The following SDK1 variants were observed in gnomAD, a reference collection of about 807,000 sequenced individuals.
The protein encoded by SDK1 is sidekick cell adhesion molecule 1, also known as protein sidekick-1.
SDK1 carries 157 observed loss-of-function variants against 245.5 expected under a neutral mutation model. The ratio of observed to expected loss-of-function variants is 0.64; its 90% CI spans 0.56 to 0.73. The LOEUF (loss-of-function observed/expected upper bound fraction) is 0.73. Ranked by LOEUF, SDK1 falls within the 30% of genes least tolerant of loss-of-function variation. The pLI, the probability that SDK1 is intolerant of heterozygous loss-of-function variation, is 0.00. For missense variants in SDK1, 3,583 were observed against 3,002.3 expected (o/e 1.19, Z -4.52); for synonymous variants, 1,647 against 1,278.5 (o/e 1.29, Z -6.15).
At chr7:3,951,693 TC>T in intron 6 of SDK1, 36 bp from the exon 7 acceptor site, 1 of 1,594,334 alleles carries the variant, frequency 6.3e-7, no homozygotes, top group Non-Finnish European at 8.6e-7. Context: ...CCTCCCTGAG[TC>T]ACAATCGTCG....
chr7:4,186,310 A>G (rs1395984279), intron 35 of SDK1, among the ~76,000 whole-genome samples: 1 of 152,116 alleles, frequency 6.6e-6, no homozygotes, highest in Non-Finnish European at 1.5e-5. Flanking sequence ...CAGGAACTGC[A>G]AGAGCAGGAC....
intron 35 of SDK1, among the ~76,000 whole-genome samples, chr7:4,191,109 C>A (rs1783180592): frequency 6.6e-6 from 1 of 152,190 alleles, no homozygotes; most frequent in Non-Finnish European, 1.5e-5. Context: ...AAAAATCAAG[C>A]TCACTCCTGA....
intron 26 of SDK1, among the ~76,000 whole-genome samples, chr7:4,129,516 C>G (rs1163296368): frequency 6.6e-6 from 1 of 152,120 alleles, no homozygotes; most frequent in Non-Finnish European, 1.5e-5. Context: ...GGCAGGAAAC[C>G]AGCTTCCATG....
chr7:3,400,496 T>A (rs1185369088), intron 1 of SDK1, among the ~76,000 whole-genome samples: 3 of 152,170 alleles, frequency 2.0e-5, no homozygotes, highest in South Asian at 2.1e-4. Context: ...TTACCCATTT[T>A]ATCAACTTAG....
intron 4 of SDK1, among the ~76,000 whole-genome samples, chr7:3,654,105 C>G (rs779684639): frequency 6.6e-6 from 1 of 152,144 alleles, no homozygotes; most frequent in Non-Finnish European, 1.5e-5. Flanking sequence ...GGAGGAAGGA[C>G]CCTGGTGTAG....
chr7:3,692,402 G>A (rs1020735724), intron 4 of SDK1, among the ~76,000 whole-genome samples: 10 of 152,086 alleles, frequency 6.6e-5, no homozygotes, highest in African/African-American at 2.4e-4. Flanking sequence ...TAGAATTTGG[G>A]ATCATACTAT....
chr7:3,671,409 A>C lies in SDK1; in HGVS notation c.713+29304A>C, dbSNP rs1053477013. On this transcript the variant is annotated intron_variant, in intron 4 of 44. Coordinates refer to ENST00000404826, the MANE Select transcript of SDK1 (RefSeq NM_152744.4). ...TAAGAAGGAAATGGAATCAATGTAC[A>C]TCTCCCCAAAGACAGAGTAAAATAC... Among the ~76,000 whole-genome samples, 3 of 152,340 alleles carry C rather than the reference A, an allele frequency of 2.0e-5. No individual in the cohort carries two copies. In the East Asian group the frequency reaches 5.8e-4, roughly 29 times the overall value.
chr7:3,394,164 C>A (rs1047632242), intron 1 of SDK1, among the ~76,000 whole-genome samples: 1 of 151,736 alleles, frequency 6.6e-6, no homozygotes, highest in African/African-American at 2.4e-5. Flanking sequence ...TCCTTTTCTC[C>A]CAAACACATG....
chr7:3,977,725 A>G (rs1282562970), intron 13 of SDK1, among the ~76,000 whole-genome samples: 1 of 152,252 alleles, frequency 6.6e-6, no homozygotes, highest in African/African-American at 2.4e-5. Flanking sequence ...GCAGAGGACG[A>G]CCATATCTTC....
intron 1 of SDK1, among the ~76,000 whole-genome samples, chr7:3,500,401 T>A (rs1031758730): frequency 4.6e-5 from 7 of 152,162 alleles, no homozygotes; most frequent in Admixed American, 1.3e-4. Context: ...TCTACCCTCT[T>A]TCTTAGATTT....
intron 5 of SDK1, among the ~76,000 whole-genome samples, chr7:3,941,313 C>T (rs1780360007): frequency 6.6e-6 from 1 of 152,090 alleles, no homozygotes; most frequent in African/African-American, 2.4e-5. Context: ...ACCGTGCTCC[C>T]ACCCGCTCTA....
intron 1 of SDK1, among the ~76,000 whole-genome samples, chr7:3,306,255 A>T (rs1217140294): frequency 1.3e-5 from 2 of 152,026 alleles, no homozygotes; most frequent in East Asian, 3.9e-4. Flanking sequence ...GATGTATGTA[A>T]CCCCTTCCAT....
At chr7:3,655,496 TA>T (rs1283099918) in intron 4 of SDK1, among the ~76,000 whole-genome samples, 1 of 65,152 alleles carries the variant, frequency 1.5e-5, no homozygotes, top group African/African-American at 3.6e-5. Context: ...TATATATATA[TA>T]TATATATGTA....
intron 1 of SDK1, among the ~76,000 whole-genome samples, chr7:3,528,411 G>C (rs1783224966): frequency 6.6e-6 from 1 of 151,980 alleles, no homozygotes; most frequent in African/African-American, 2.4e-5. Context: ...TGGAAAGGTA[G>C]CAGAAGTGAT....
At chr7:3,538,032 C>T (rs773336641) in intron 1 of SDK1, among the ~76,000 whole-genome samples, 2 of 152,114 alleles carry the variant, frequency 1.3e-5, no homozygotes, top group Admixed American at 6.5e-5. Context: ...TCCTGCCTTT[C>T]GTGGAGTCTT....
intron 16 of SDK1, among the ~76,000 whole-genome samples, chr7:4,016,441 A>C (rs1019256881): frequency 1.3e-5 from 2 of 152,260 alleles, no homozygotes; most frequent in African/African-American, 2.4e-5. Context: ...AATCATGGAG[A>C]AACATATGCT....
rs1786806237 is a variant in SDK1 at position 4,245,708 on chromosome 7, A to G, written c.6284A>G (p.His2095Arg). 1 of 1,613,938 alleles carries G rather than the reference A, an allele frequency of 6.2e-7. No individual in the cohort carries two copies. Among genetic ancestry groups the G allele is most frequent in the African/African-American group, 1.3e-5 (1 of 74,932 alleles). The change falls in exon 44 of 45, where the codon CAC becomes CGC. Residue 2095 changes from histidine (H) to arginine (R), a missense_variant. Transcript: ENST00000404826. Reference protein sequence around the residue: ...SPPRPSPGGLHYSDEDICNKY... With the variant: ...SPPRPSPGGLRYSDEDICNKY... The stretch of plus-strand genomic sequence containing the variant: ...CCCCGGCCTAGCCCCGGCGGCCTGC[A>G]CTACTCAGACGAGGACATCTGCAAC...
At chr7:4,106,182 G>T (rs1162270637) in intron 22 of SDK1, among the ~76,000 whole-genome samples, 1 of 152,206 alleles carries the variant, frequency 6.6e-6, no homozygotes, top group African/African-American at 2.4e-5. Flanking sequence ...CAGGTGAGGG[G>T]GTCATCTCAT....
At chr7:3,312,338 A>G (rs972889782) in intron 1 of SDK1, among the ~76,000 whole-genome samples, 1 of 152,214 alleles carries the variant, frequency 6.6e-6, no homozygotes, top group Admixed American at 6.5e-5. Context: ...AGCTTGCAAT[A>G]CAAAAATTGC....
Sources: allele counts gnomAD v4.1 joint callset (sites outside exome capture counted in the v4.1 genomes callset), GRCh38; gene constraint gnomAD v4.1.1; transcripts MANE v1.5; gene names NCBI Gene and HGNC (gene_info 2026-07-23, HGNC 2026-07-21).